Variants in FGF9 observed in about 807,000 individuals in gnomAD.
FGF9 encodes fibroblast growth factor 9 (glia-activating factor).
FGF9 carries 3 observed loss-of-function variants against 19.9 expected under a neutral mutation model. The observed-to-expected ratio is 0.15, with a 90% confidence interval of 0.07 to 0.39. FGF9 has a LOEUF of 0.39. FGF9 is among the 10% of genes least tolerant of loss of function. The pLI is 1.00. For synonymous variants in FGF9, 107 were observed against 106.9 expected, an observed-to-expected ratio of 1.00 and a Z score of -0.01; for missense variants, 175 against 256.8, an observed-to-expected ratio of 0.68 and a Z score of 2.18.
At chr13:21,698,268 C>T (rs1444431906) in intron 2 of FGF9, among the ~76,000 whole-genome samples, 1 of 152,198 alleles carries the variant, frequency 6.6e-6, no homozygotes, top group Non-Finnish European at 1.5e-5. Flanking sequence ...GCGCAAATTG[C>T]TTCACATCTG....
chr13:21,689,836 G>C (rs1160340796), intron 2 of FGF9, among the ~76,000 whole-genome samples: 1 of 152,166 alleles, frequency 6.6e-6, no homozygotes, highest in African/African-American at 2.4e-5. Flanking sequence ...GGGTCTGCAA[G>C]GATAACCAGG....
rs1872600346 is a variant in FGF9 at position 21,703,967 on chromosome 13, A to C, written c.*2532A>C. 6.6e-6 allele frequency: 1 copy of C among 152,094 alleles called. No homozygotes were observed. Among genetic ancestry groups the C allele is most frequent in the Non-Finnish European group, 1.5e-5 (1 of 68,024 alleles). The allele number at this position is 152,094 out of a possible 1,614,324, so 9.4% of individuals were successfully genotyped here. ...AACTGTAATGGTCTGTAAATAAATAAATATTGACTCATGCGATTTATGTAA... is the reference window on the plus strand; with the variant it reads ...AACTGTAATGGTCTGTAAATAAATACATATTGACTCATGCGATTTATGTAA... On this transcript the variant is annotated 3_prime_UTR_variant, in exon 3 of 3. Coordinates refer to ENST00000382353, the MANE Select transcript of FGF9 (RefSeq NM_002010.3).
intron 2 of FGF9, among the ~76,000 whole-genome samples, chr13:21,699,232 G>A (rs938208835): frequency 1.3e-5 from 2 of 152,170 alleles, no homozygotes; most frequent in Non-Finnish European, 2.9e-5. Context: ...CCACCCTCAG[G>A]TGAGAGTATT....
chr13:21,682,881 A>T (rs1031989892), intron 2 of FGF9, among the ~76,000 whole-genome samples: 29 of 152,256 alleles, frequency 1.9e-4, no homozygotes, highest in African/African-American at 6.7e-4. Context: ...TTTTTTTTGA[A>T]TATGCATCTC....
chr13:21,680,581 T>C (rs776600041), intron 1 of FGF9, among the ~76,000 whole-genome samples: 24 of 152,204 alleles, frequency 1.6e-4, no homozygotes, highest in Non-Finnish European at 3.2e-4. Flanking sequence ...AGGTTGTCTT[T>C]TCTAAAAAAG....
chr13:21,681,683 C>T (rs1331924644), intron 2 of FGF9, among the ~76,000 whole-genome samples: 1 of 152,190 alleles, frequency 6.6e-6, no homozygotes, highest in Non-Finnish European at 1.5e-5. Flanking sequence ...TCCACATCCC[C>T]ACTAGGTTGT....
At chr13:21,698,622 G>A (rs1463877075) in intron 2 of FGF9, among the ~76,000 whole-genome samples, 1 of 152,104 alleles carries the variant, frequency 6.6e-6, no homozygotes, top group African/African-American at 2.4e-5. Context: ...ATCTTCTGCT[G>A]GGACTTTTGT....
intron 2 of FGF9, among the ~76,000 whole-genome samples, chr13:21,688,021 G>C (rs570822812): frequency 2.6e-5 from 4 of 152,214 alleles, no homozygotes; most frequent in Non-Finnish European, 4.4e-5. Flanking sequence ...GCATAGGCAC[G>C]AAGCTCTGGG....
At chr13:21,686,677 AT>A (rs1359736783) in intron 2 of FGF9, among the ~76,000 whole-genome samples, 1 of 152,116 alleles carries the variant, frequency 6.6e-6, no homozygotes, top group African/African-American at 2.4e-5. Context: ...TGGCTTTATA[AT>A]TTTTCTATTT....
chr13:21,686,428 T>A (rs1039338143), intron 2 of FGF9, among the ~76,000 whole-genome samples: 6 of 152,222 alleles, frequency 3.9e-5, no homozygotes, highest in African/African-American at 1.4e-4. Flanking sequence ...AAGCTTGCAT[T>A]TAACAAAAGG....
At chr13:21,690,813 G>A (rs111819942) in intron 2 of FGF9, among the ~76,000 whole-genome samples, 103 of 152,304 alleles carry the variant, frequency 6.8e-4, no homozygotes, top group African/African-American at 2.4e-3. Flanking sequence ...GCCATGTTTT[G>A]TGCTTTTTAT....
chr13:21,683,253 A>G (rs756121234), intron 2 of FGF9, among the ~76,000 whole-genome samples: 3 of 152,234 alleles, frequency 2.0e-5, no homozygotes, highest in Non-Finnish European at 4.4e-5. Flanking sequence ...AGGCTGTCTC[A>G]TCTCTCCTTC....
At chr13:21,693,789 G>T (rs1035853436) in intron 2 of FGF9, among the ~76,000 whole-genome samples, 1 of 152,114 alleles carries the variant, frequency 6.6e-6, no homozygotes, top group African/African-American at 2.4e-5. Flanking sequence ...AGCCCCTGGG[G>T]CCAAAGTGGC....
Position 21,701,844 on chromosome 13 carries a change from C to T in FGF9, c.*409C>T. On this transcript the variant is annotated 3_prime_UTR_variant, in exon 3 of 3. Transcript: ENST00000382353. ...TCATTTCTGATCAGTTGTACTTCAT[C>T]CTATATCAGCACAGCTGCCATACTT... 4.3e-6 allele frequency: 1 copy of T among 229,934 alleles called. No homozygotes were observed. The highest frequency in any genetic ancestry group is 8.7e-6 in the Non-Finnish European group (1 of 114,356). 14.2% of individuals were successfully genotyped at this position (229,934 alleles called of 1,614,324 possible).
At chr13:21,675,726 T>C (rs1344675587) in intron 1 of FGF9, among the ~76,000 whole-genome samples, 1 of 152,136 alleles carries the variant, frequency 6.6e-6, no homozygotes, top group African/African-American at 2.4e-5. Flanking sequence ...GTGCATTTTC[T>C]ACCTGAAATC....
Position 21,701,326 on chromosome 13 carries a change from G to A in FGF9, c.518G>A (p.Arg173Lys). The A allele has an allele frequency of 6.2e-7, 1 of 1,614,074 alleles. No individual in the cohort carries two copies. The highest frequency in any genetic ancestry group is 8.5e-7 in the Non-Finnish European group (1 of 1,180,030). ...GCATTAAATAAAGATGGGACCCCGA[G>A]AGAAGGGACTAGGACTAAACGGCAC... ...YVALNKDGTPREGTRTKRHQK... is the reference protein window; with the variant it reads ...YVALNKDGTPKEGTRTKRHQK... The change falls in exon 3 of 3, where the codon AGA (arginine) becomes AAA (lysine). Residue 173 changes from arginine (R) to lysine (K), a missense_variant. By Grantham distance (26) the Arg-to-Lys change is conservative (BLOSUM62 2). Coordinates refer to ENST00000382353, the MANE Select transcript of FGF9 (RefSeq NM_002010.3).
At chr13:21,688,618 T>C (rs977137040) in intron 2 of FGF9, among the ~76,000 whole-genome samples, 14 of 152,182 alleles carry the variant, frequency 9.2e-5, no homozygotes, top group African/African-American at 3.4e-4. Flanking sequence ...TACATATGCA[T>C]GTTAAGAGTG....
intron 2 of FGF9, among the ~76,000 whole-genome samples, chr13:21,692,106 C>G (rs560278893): frequency 6.6e-6 from 1 of 152,134 alleles, no homozygotes; most frequent in African/African-American, 2.4e-5. Flanking sequence ...CCAAAGACAT[C>G]CCTGTCCCCA....
chr13:21,673,362 G>A (rs1254246959), intron 1 of FGF9, among the ~76,000 whole-genome samples: 1 of 152,086 alleles, frequency 6.6e-6, no homozygotes, highest in African/African-American at 2.4e-5. Context: ...CAGAAGGTGA[G>A]GAGGACTTAG....
Sources: gnomAD v4.1 joint callset for allele counts (sites outside exome capture counted in the v4.1 genomes callset) on GRCh38, gnomAD v4.1.1 for gene constraint, MANE v1.5 for transcripts, NCBI Gene and HGNC (gene_info 2026-07-23, HGNC 2026-07-21) for gene names.